The following SLC26A11 variants were observed in gnomAD, a reference collection of about 807,000 sequenced individuals.
SLC26A11 encodes the protein solute carrier family 26 member 11.
A neutral mutation model predicts 62.2 loss-of-function variants in SLC26A11; 58 were observed. The observed-to-expected ratio is 0.93, with a 90% CI of 0.76 to 1.16. The LOEUF (loss-of-function observed/expected upper bound fraction) is 1.16, where lower values mean the gene tolerates loss of function less well. SLC26A11 is among the 50% of genes most tolerant of loss of function. The probability of loss-of-function intolerance (pLI) is 0.00; values close to 1 mark genes in which losing one functional copy is unlikely to be tolerated. For synonymous variants in SLC26A11, 411 were observed against 368.9 expected (o/e 1.11, Z -1.31); for missense variants, 790 against 794.3 (o/e 0.99, Z 0.06).
At chr17:80,239,507 A>G (rs1209660842) in intron 9 of SLC26A11, among the ~76,000 whole-genome samples, 4 of 150,700 alleles carry the variant, frequency 2.7e-5, no homozygotes. Context: ...CTCCTGCCTC[A>G]GCCTCCCGAG....
At chr17:80,225,798 G>C (rs1238991304) in intron 5 of SLC26A11, 39 bp from the exon 6 acceptor site, 1 of 1,586,960 alleles carries the variant, frequency 6.3e-7, no homozygotes, top group Non-Finnish European at 8.7e-7. Context: ...CCTTGGTTTG[G>C]GAGCATAGCC....
Position 80,222,560 on chromosome 17 carries a change from C to G in SLC26A11, c.235-95C>G. The G allele has an allele frequency of 7.6e-7, 1 of 1,314,496 alleles. No homozygotes were observed. The highest frequency in any genetic ancestry group is 1.1e-6 in the Non-Finnish European group (1 of 931,668). 81.4% of individuals were successfully genotyped at this position (1,314,496 alleles called of 1,614,324 possible). On this transcript the variant is annotated intron_variant, in intron 3 of 17. Coordinates refer to ENST00000361193, the MANE Select transcript of SLC26A11 (RefSeq NM_001166347.2). The surrounding 1 kb of genome is among the most constrained non-coding windows in gnomAD (Gnocchi z 4.7). ...ACCTTTAACCTGGGCCTGGACACAGCTGACACCCACACATCCCGAGCTTGG... is the reference window on the plus strand; with the variant it reads ...ACCTTTAACCTGGGCCTGGACACAGGTGACACCCACACATCCCGAGCTTGG...
chr17:80,241,380 G>A (rs571743689), intron 9 of SLC26A11, among the ~76,000 whole-genome samples: 3 of 152,202 alleles, frequency 2.0e-5, no homozygotes, highest in South Asian at 2.1e-4. Context: ...CCGCCTCAGC[G>A]TCCTGAATAT....
intron 6 of SLC26A11, among the ~76,000 whole-genome samples, chr17:80,227,004 TGGG>T (rs1402028664): frequency 6.6e-6 from 1 of 151,992 alleles, no homozygotes; most frequent in Non-Finnish European, 1.5e-5. Context: ...GTCGGCCAGA[TGGG>T]GGAGCAGTGA....
In SLC26A11 at chr17:80,222,739, A is replaced by G. The variant is rs2042257592; in HGVS notation, c.319A>G (p.Ile107Val). The G allele has an allele frequency of 6.2e-7, 1 of 1,614,042 alleles. No individual in the cohort carries two copies. Among genetic ancestry groups the G allele is most frequent in the South Asian group, 1.1e-5 (1 of 91,064 alleles). Residue 107 changes from isoleucine (I) to valine (V), a missense_variant, in exon 4 of 18, where the codon ATT (isoleucine) becomes GTT (valine). Transcript: ENST00000361193. The surrounding 1 kb of genome is among the most constrained non-coding windows in gnomAD (Gnocchi z 4.7). ...GGATGTGACTCTGGGCCCCACCGCC[A>G]TTATGTCCCTCCTGGTCTCCTTCTA... The part of the protein sequence containing the change: ...SRDVTLGPTA[I>V]MSLLVSFYTF...
At chr17:80,238,811 G>GGTTTTTTTTTT (rs1555629117) in intron 9 of SLC26A11, among the ~76,000 whole-genome samples, 8 of 123,258 alleles carry the variant, frequency 6.5e-5, no homozygotes, top group African/African-American at 2.4e-4. Flanking sequence ...CTTCAAAGGA[G>GGTTTTTTTTTT]TTTTTTTTGT....
chr17:80,248,293 G>A (rs1327726958), intron 14 of SLC26A11, 36 bp downstream of exon 14: 1 of 1,590,332 alleles, frequency 6.3e-7, no homozygotes, highest in Non-Finnish European at 8.5e-7. Context: ...GGAGTGTGCT[G>A]GGGGCAGGAT....
chr17:80,238,178 C>A (rs895836324), intron 9 of SLC26A11, among the ~76,000 whole-genome samples: 1 of 152,060 alleles, frequency 6.6e-6, no homozygotes, highest in Non-Finnish European at 1.5e-5. Flanking sequence ...GGCAACGTAA[C>A]GAGACCTCGT....
intron 11 of SLC26A11, among the ~76,000 whole-genome samples, chr17:80,245,697 G>C (rs1199831479): frequency 3.3e-5 from 5 of 152,184 alleles, no homozygotes; most frequent in Non-Finnish European, 7.3e-5. Flanking sequence ...AAAGGACGTG[G>C]AGATAGGAAG....
rs1016528078 is a variant in SLC26A11 at position 80,222,591 on chromosome 17, C to G, written c.235-64C>G. On this transcript the variant is annotated intron_variant, in intron 3 of 17. Coordinates refer to ENST00000361193, the MANE Select transcript of SLC26A11 (RefSeq NM_001166347.2). This position sits in a 1 kb window ranked among gnomAD's most constrained non-coding sequence, Gnocchi z 4.7. ...CCCACACATCCCGAGCTTGGACACG[C>G]ACACTAGGGAGCTGGTGGATGGGCC... 8.5e-6 allele frequency: 13 copies of G among 1,526,424 alleles called. No homozygotes were observed. The highest frequency in any genetic ancestry group is 3.5e-5 in the Admixed American group (2 of 57,616). 94.6% of individuals were successfully genotyped at this position (1,526,424 alleles called of 1,614,324 possible). A position where few individuals can be genotyped will look rare whatever the true frequency, so the allele number is the denominator to read the frequency against.
At position 80,221,719 on chromosome 17, in the gene SLC26A11, C is replaced by T. The variant is rs1379726857; in HGVS notation, c.159C>T (p.Val53=). The T allele has an allele frequency of 2.5e-6, 4 of 1,613,734 alleles. No individual in the cohort carries two copies. Among genetic ancestry groups the T allele is most frequent in the East Asian group, 2.2e-5 (1 of 44,884 alleles). The change falls in exon 3 of 18, where the codon GTC becomes GTT. Residue 53 remains valine (V), a synonymous_variant. Transcript: ENST00000361193. The part of the protein sequence containing the change: ...YSLQWLKMDF[V]AGLSVGLTAI... ...TGCAGTGGCTGAAGATGGATTTCGTCGCCGGCCTCTCAGTTGGCCTCACTG... is the reference window on the plus strand; with the variant it reads ...TGCAGTGGCTGAAGATGGATTTCGTTGCCGGCCTCTCAGTTGGCCTCACTG...
Position 80,222,677 on chromosome 17 carries a change from T to A in SLC26A11, c.257T>A (p.Met86Lys). ...PPQYGLYSAF[M>K]GCFVYFFLGT... ...CAGTATGGCCTCTACTCTGCCTTCA[T>A]GGGCTGCTTCGTGTATTTCTTCCTG... The change falls in exon 4 of 18, where the codon ATG becomes AAG. Residue 86 changes from methionine (M) to lysine (K), a missense_variant. By Grantham distance (95) the Met-to-Lys change is moderately conservative. Coordinates refer to ENST00000361193, the MANE Select transcript of SLC26A11 (RefSeq NM_001166347.2). The surrounding 1 kb of genome is among the most constrained non-coding windows in gnomAD (Gnocchi z 4.7). 1 of 1,614,140 alleles carries A rather than the reference T, an allele frequency of 6.2e-7. No homozygotes were observed.
rs147467043 is a variant in SLC26A11 at position 80,230,493 on chromosome 17, C to T, written c.736+2533C>T. ...TTGATAAAGGCAAGGTGAAGAAAGGCGACCAGCTTAGGACTTGCAGTTGGA... is the reference window on the plus strand; with the variant it reads ...TTGATAAAGGCAAGGTGAAGAAAGGTGACCAGCTTAGGACTTGCAGTTGGA... On this transcript the variant is annotated intron_variant, in intron 7 of 17. Transcript: ENST00000361193. Among the ~76,000 whole-genome samples, 593 of 152,208 alleles carry T rather than the reference C, an allele frequency of 3.9e-3. 5 individuals are homozygous for T. Among genetic ancestry groups the T allele is most frequent in the African/African-American group, 0.013 (549 of 41,514 alleles).
Position 80,237,542 on chromosome 17 carries a change from C to T in SLC26A11, c.933C>T (p.Ala311=), listed in dbSNP as rs373963670. The T allele has an allele frequency of 5.0e-6, 8 of 1,611,550 alleles. No individual in the cohort carries two copies. The highest frequency in any genetic ancestry group is 1.6e-4 in the Middle Eastern group (1 of 6,080). The change falls in exon 9 of 18, where the codon GCC becomes GCT. Residue 311 remains alanine (A), a synonymous_variant. Coordinates refer to ENST00000361193, the MANE Select transcript of SLC26A11 (RefSeq NM_001166347.2). ...EMVQDMGAGL[A]VVPLMGLLES... is the part of the protein sequence containing the mutation. The stretch of plus-strand genomic sequence containing the variant: ...CTCAGGACATGGGAGCCGGGCTGGC[C>T]GTGGTGCCCCTGATGGGCCTCCTGG...
chr17:80,237,276 A>G (rs1419779965), intron 8 of SLC26A11, 173 bp downstream of exon 8: 2 of 875,718 alleles, frequency 2.3e-6, no homozygotes, highest in Non-Finnish European at 1.7e-6. Context: ...ATGCAAACTC[A>G]GCGAGCTCAG....
At chr17:80,229,223 C>G (rs554305770) in intron 7 of SLC26A11, among the ~76,000 whole-genome samples, 48 of 151,756 alleles carry the variant, frequency 3.2e-4, no homozygotes, top group Non-Finnish European at 5.0e-4. Context: ...TGTGGTCTCT[C>G]CCTGGATCCT....
At chr17:80,241,846 A>G (rs753409982) in intron 10 of SLC26A11, 25 bp downstream of exon 10, 4 of 1,613,974 alleles carry the variant, frequency 2.5e-6, no homozygotes, top group African/African-American at 1.3e-5. Flanking sequence ...GCGGGAAGGA[A>G]GACACCAGCT....
chr17:80,240,640 TA>T (rs954227276), intron 9 of SLC26A11, among the ~76,000 whole-genome samples: 18 of 151,362 alleles, frequency 1.2e-4, no homozygotes, highest in African/African-American at 4.4e-4. Flanking sequence ...CCGTCTCTAC[TA>T]AAAATGCAAA....
At chr17:80,250,547 ACTC>A (rs1245173210) in intron 16 of SLC26A11, among the ~76,000 whole-genome samples, 1 of 151,962 alleles carries the variant, frequency 6.6e-6, no homozygotes, top group Non-Finnish European at 1.5e-5. Flanking sequence ...TTAAAAAAAT[ACTC>A]CTCTGACCCA....
Sources: allele counts gnomAD v4.1 joint callset (sites outside exome capture counted in the v4.1 genomes callset), GRCh38; gene constraint gnomAD v4.1.1; non-coding constraint Gnocchi (gnomAD v3.1); transcripts MANE v1.5; gene names NCBI Gene and HGNC (gene_info 2026-07-23, HGNC 2026-07-21).